The following DIP2B variants were observed in gnomAD, a reference collection of about 807,000 sequenced individuals.
DIP2B encodes disco-interacting protein 2 homolog B.
In DIP2B, 76 loss-of-function variants were observed where a neutral mutation model predicts 198.0. That is an observed-to-expected ratio of 0.38 (90% CI 0.32 to 0.46). DIP2B has a LOEUF of 0.46. Among genes scored for constraint, DIP2B ranks in the 20% least tolerant of loss-of-function variants. The probability of loss-of-function intolerance (pLI) is 0.99; values close to 1 mark genes in which losing one functional copy is unlikely to be tolerated. For synonymous variants in DIP2B, 701 were observed against 739.1 expected (o/e 0.95, Z 0.84); for missense variants, 1,559 against 1,978.4 (o/e 0.79, Z 4.02).
intron 1 of DIP2B, among the ~76,000 whole-genome samples, chr12:50,612,484 A>G (rs1959040540): frequency 1.4e-5 from 2 of 145,466 alleles, no homozygotes; most frequent in South Asian, 4.3e-4. Flanking sequence ...GCTGGGGTGC[A>G]GTGGTGCCAT....
At chr12:50,714,654 C>T in intron 23 of DIP2B, 58 bp downstream of exon 23, 1 of 1,585,948 alleles carries the variant, frequency 6.3e-7, no homozygotes, top group Non-Finnish European at 8.6e-7. Context: ...AAGCTGGGTT[C>T]TCTCAGTGTG....
intron 1 of DIP2B, among the ~76,000 whole-genome samples, chr12:50,516,235 C>CTA (rs1208521798): frequency 9.5e-5 from 14 of 147,928 alleles, no homozygotes; most frequent in African/African-American, 3.4e-4. Context: ...CTCTCTCTCT[C>CTA]TCTCTCTCTC....
chr12:50,550,139 CTG>C (rs1004321776), intron 1 of DIP2B, among the ~76,000 whole-genome samples: 2 of 152,164 alleles, frequency 1.3e-5, no homozygotes, highest in Non-Finnish European at 2.9e-5. Flanking sequence ...CGCCTAGAAA[CTG>C]TGAATTTTGC....
intron 1 of DIP2B, among the ~76,000 whole-genome samples, chr12:50,598,040 T>C (rs1958893268): frequency 6.6e-6 from 1 of 152,232 alleles, no homozygotes; most frequent in South Asian, 2.1e-4. Context: ...GACTGACTGA[T>C]GTAAGTTTCA....
intron 9 of DIP2B, among the ~76,000 whole-genome samples, chr12:50,681,401 A>G (rs563003996): frequency 6.6e-6 from 1 of 152,230 alleles, no homozygotes; most frequent in African/African-American, 2.4e-5. Context: ...TTGCCACTGC[A>G]TTTGTGTGGG....
chr12:50,564,237 C>G (rs1388041533), intron 1 of DIP2B, among the ~76,000 whole-genome samples: 4 of 152,096 alleles, frequency 2.6e-5, no homozygotes, highest in Middle Eastern at 6.3e-3. Context: ...AATCTAACCA[C>G]CATCTGCCTT....
At position 50,675,313 on chromosome 12, in the gene DIP2B, A is replaced by AT. The variant is rs758034361; in HGVS notation, c.797-10dup. 6 of 1,608,002 alleles carry AT rather than the reference A, an allele frequency of 3.7e-6. No individual in the cohort carries two copies. Among genetic ancestry groups the AT allele is most frequent in the South Asian group, 3.3e-5 (3 of 89,932 alleles). On this transcript the variant is annotated splice_polypyrimidine_tract_variant and intron_variant, in intron 6 of 37. Transcript: ENST00000301180. ...ACAGTCAATGAATTTTAACTTAACC[A>AT]TTTTTTCCCTTATAGGTGTTCCTGT...
intron 1 of DIP2B, among the ~76,000 whole-genome samples, chr12:50,580,471 A>G (rs1958714905): frequency 6.8e-6 from 1 of 145,988 alleles, no homozygotes; most frequent in African/African-American, 2.5e-5. Flanking sequence ...CTTTTTCTTT[A>G]TATTTTGCAG....
At chr12:50,619,915 G>C (rs138720625) in intron 1 of DIP2B, among the ~76,000 whole-genome samples, 1 of 152,078 alleles carries the variant, frequency 6.6e-6, no homozygotes, top group Non-Finnish European at 1.5e-5. Flanking sequence ...TTAAAAATTA[G>C]CTGGGTGTGA....
At chr12:50,737,187 A>G in intron 35 of DIP2B, 77 bp downstream of exon 35, 1 of 1,376,072 alleles carries the variant, frequency 7.3e-7, no homozygotes, top group Non-Finnish European at 1.0e-6. Context: ...GAAATCAGTA[A>G]AACTGTGGAT....
rs562964767 is a variant in DIP2B at position 50,690,058 on chromosome 12, C to G, written c.1552-991C>G. The stretch of plus-strand genomic sequence containing the variant: ...AAACTCCTATTCTACTCTTTCTCCC[C>G]TTCTCATTATTGACCTTGGGAACAC... On this transcript the variant is annotated intron_variant, in intron 12 of 37. Coordinates refer to ENST00000301180, the MANE Select transcript of DIP2B (RefSeq NM_173602.3). Among the ~76,000 whole-genome samples, 86 of 152,054 alleles carry G rather than the reference C, an allele frequency of 5.7e-4. 1 individual carries two copies. Among genetic ancestry groups the G allele is most frequent in the Non-Finnish European group, 8.4e-4 (57 of 67,998 alleles).
intron 3 of DIP2B, among the ~76,000 whole-genome samples, chr12:50,653,503 G>A (rs565357565): frequency 4.6e-5 from 7 of 151,538 alleles, no homozygotes; most frequent in Non-Finnish European, 1.0e-4. Flanking sequence ...CCCATGCCCA[G>A]CTAATTTTTG....
intron 29 of DIP2B, among the ~76,000 whole-genome samples, 157 bp downstream of exon 29, chr12:50,727,969 C>T (rs1939967307): frequency 1.3e-5 from 2 of 152,202 alleles, no homozygotes; most frequent in African/African-American, 4.8e-5. Context: ...GCATTGGCTC[C>T]TCTGGAATGA....
intron 20 of DIP2B, among the ~76,000 whole-genome samples, chr12:50,705,326 A>G (rs1939495004): frequency 6.6e-6 from 1 of 152,096 alleles, no homozygotes; most frequent in Admixed American, 6.6e-5. Context: ...AGGAGAATCA[A>G]CTCTCTACAC....
chr12:50,590,159 AT>A (rs67465895), intron 1 of DIP2B, among the ~76,000 whole-genome samples: 39 of 148,242 alleles, frequency 2.6e-4, no homozygotes, highest in African/African-American at 2.7e-4. Flanking sequence ...TTTCTGGATA[AT>A]TTTTTTTTTT....
At chr12:50,644,515 TG>T (rs1459367038) in intron 3 of DIP2B, among the ~76,000 whole-genome samples, 1 of 152,228 alleles carries the variant, frequency 6.6e-6, no homozygotes, top group Non-Finnish European at 1.5e-5. Flanking sequence ...CACTTGTGTC[TG>T]GGGACTGAAC....
In DIP2B at chr12:50,714,389, T is replaced by C. The variant is rs1434610855; in HGVS notation, c.2650-6T>C. 1 of 1,614,238 alleles carries C rather than the reference T, an allele frequency of 6.2e-7. No homozygotes were observed. Among genetic ancestry groups the C allele is most frequent in the Admixed American group, 1.7e-5 (1 of 60,030 alleles). ...TCACTGAGTATTTTTGTTTGTATTT[T>C]TCTAGGCGATCGATAGCATTCATCA... On this transcript the variant is annotated splice_region_variant and splice_polypyrimidine_tract_variant and intron_variant, in intron 22 of 37. Coordinates refer to ENST00000301180, the MANE Select transcript of DIP2B (RefSeq NM_173602.3).
chr12:50,691,100 G>A lies in DIP2B; in HGVS notation c.1603G>A (p.Ala535Thr), dbSNP rs373729785. 47 of 1,613,946 alleles carry A rather than the reference G, an allele frequency of 2.9e-5. No individual in the cohort carries two copies. The highest frequency in any genetic ancestry group is 3.6e-5 in the Non-Finnish European group (43 of 1,180,012). The change falls in exon 13 of 38, where the codon GCA (alanine) becomes ACA (threonine). Residue 535 changes from alanine (A) to threonine (T), a missense_variant. Coordinates refer to ENST00000301180, the MANE Select transcript of DIP2B (RefSeq NM_173602.3). ...SVMGVTVSRL[A>T]MLSHCQALSQ... Reference sequence around the variant, plus strand: ...AATGGGAGTTACAGTATCCCGGCTTGCAATGTTGTCTCACTGCCAAGCTCT... The same window carrying A: ...AATGGGAGTTACAGTATCCCGGCTTACAATGTTGTCTCACTGCCAAGCTCT...
At chr12:50,551,313 A>T (rs61927794) in intron 1 of DIP2B, among the ~76,000 whole-genome samples, 6 of 152,060 alleles carry the variant, frequency 3.9e-5, no homozygotes, top group Non-Finnish European at 5.9e-5. Context: ...AATCCCAGCT[A>T]CTGGCGGGCT....
Sources: allele counts gnomAD v4.1 joint callset (sites outside exome capture counted in the v4.1 genomes callset), GRCh38; gene constraint gnomAD v4.1.1; transcripts MANE v1.5; gene names NCBI Gene and HGNC (gene_info 2026-07-23, HGNC 2026-07-21).